The following BACH2 variants were observed in gnomAD, a reference collection of about 807,000 sequenced individuals.
BACH2 encodes BACH transcriptional regulator 2.
In BACH2, 5 loss-of-function variants were observed where a neutral mutation model predicts 61.8. That is an observed-to-expected ratio of 0.08 (90% CI 0.04 to 0.17). The LOEUF (loss-of-function observed/expected upper bound fraction) is 0.17, where lower values mean the gene tolerates loss of function less well. Ranked by LOEUF, BACH2 falls within the 10% of genes least tolerant of loss-of-function variation. BACH2 has a pLI of 1.00. For synonymous variants in BACH2, 446 were observed against 440.1 expected (o/e 1.01, Z -0.17); for missense variants, 824 against 1,091.1 (o/e 0.76, Z 3.45).
intron 4 of BACH2, among the ~76,000 whole-genome samples, chr6:90,202,859 G>A (rs1361436102): frequency 6.6e-6 from 1 of 152,100 alleles, no homozygotes; most frequent in Non-Finnish European, 1.5e-5. Flanking sequence ...GTACACAGTG[G>A]TCAGTATGCA....
chr6:90,028,888 A>G (rs941816336), intron 5 of BACH2, among the ~76,000 whole-genome samples: 5 of 152,244 alleles, frequency 3.3e-5, no homozygotes, highest in Non-Finnish European at 5.9e-5. Flanking sequence ...AAAGTACCTG[A>G]TAAAGGGCAC....
At chr6:90,219,785 TACACAC>T (rs5878121) in intron 3 of BACH2, among the ~76,000 whole-genome samples, 2,673 of 148,680 alleles carry the variant, frequency 0.018, 41 homozygotes, top group East Asian at 0.04. Context: ...TTAAAACACA[TACACAC>T]ACACACACAC....
At position 90,008,872 on chromosome 6, in the gene BACH2, A is replaced by T. The variant is rs1397623909; in HGVS notation, c.-12-16T>A. The T allele has an allele frequency of 6.2e-7, 1 of 1,608,160 alleles. No individual in the cohort carries two copies. ...CGTTCACACCCTGAAAGAAAGAAAG[A>T]AACAAAGAAAGAAAGAAAGAAAGGC... On this transcript the variant is annotated splice_polypyrimidine_tract_variant and intron_variant, in intron 5 of 8. Transcript: ENST00000257749. This position sits in a 1 kb window ranked among gnomAD's most constrained non-coding sequence, Gnocchi z 4.1.
At chr6:90,289,275 G>C (rs1772112665) in intron 1 of BACH2, among the ~76,000 whole-genome samples, 1 of 152,166 alleles carries the variant, frequency 6.6e-6, no homozygotes, top group Non-Finnish European at 1.5e-5. Context: ...CCAAGCATCA[G>C]ACAGCTAGTG....
chr6:90,209,291 C>T (rs888608229), intron 3 of BACH2, among the ~76,000 whole-genome samples: 1 of 152,058 alleles, frequency 6.6e-6, no homozygotes, highest in Non-Finnish European at 1.5e-5. Flanking sequence ...CTTTGTAGTA[C>T]GAATACATCC....
intron 6 of BACH2, among the ~76,000 whole-genome samples, chr6:90,003,888 C>T (rs937663103): frequency 1.3e-5 from 2 of 152,226 alleles, no homozygotes; most frequent in African/African-American, 4.8e-5. Context: ...GGTCATGCCA[C>T]TTCCCAAAGA....
At position 89,928,963 on chromosome 6, in the gene BACH2, A is replaced by G. The variant is rs1308178428; in HGVS notation, c.*3445T>C. 1.3e-5 allele frequency: 2 copies of G among 152,568 alleles called. No homozygotes were observed. Among genetic ancestry groups the G allele is most frequent in the African/African-American group, 4.8e-5 (2 of 41,354 alleles). 9.5% of individuals were successfully genotyped at this position (152,568 alleles called of 1,614,324 possible). On this transcript the variant is annotated 3_prime_UTR_variant, in exon 9 of 9. Transcript: ENST00000257749. ...AGGCACCCCCAGGTAACGCAGAGAA[A>G]CAAACACATACAGCAAATCACTCAC...
chr6:90,166,519 T>C (rs1026419296), intron 4 of BACH2, among the ~76,000 whole-genome samples: 1 of 152,150 alleles, frequency 6.6e-6, no homozygotes, highest in Admixed American at 6.5e-5. Flanking sequence ...GATCCAGAAC[T>C]AGAAATACCA....
chr6:89,961,287 T>C (rs905862016), intron 6 of BACH2, among the ~76,000 whole-genome samples: 2 of 151,942 alleles, frequency 1.3e-5, no homozygotes, highest in Non-Finnish European at 2.9e-5. Flanking sequence ...TTAAAATAGA[T>C]ATGAAATAGT....
chr6:90,093,913 A>C (rs1782277604), intron 4 of BACH2, among the ~76,000 whole-genome samples: 1 of 152,212 alleles, frequency 6.6e-6, no homozygotes. Flanking sequence ...CTAAGCATGA[A>C]AGCACTGCTT....
At chr6:89,989,084 T>C (rs906866928) in intron 6 of BACH2, among the ~76,000 whole-genome samples, 3 of 152,208 alleles carry the variant, frequency 2.0e-5, no homozygotes, top group East Asian at 1.9e-4. Context: ...CAGATGGCTG[T>C]GCTGGCACAG....
chr6:90,214,751 C>CTT lies in BACH2; in HGVS notation c.-274-8072_-274-8071dup, dbSNP rs563651580. On this transcript the variant is annotated intron_variant, in intron 3 of 8. Transcript: ENST00000257749. ...CTTTTCTGGGGCTTAGATTCTGTTCCTTTTTTTTTTTTTTTTTTTTTTTTT... is the reference window on the plus strand; with the variant it reads ...CTTTTCTGGGGCTTAGATTCTGTTCCTTTTTTTTTTTTTTTTTTTTTTTTTTT... 1.6e-3 allele frequency among the ~76,000 whole-genome samples: 155 copies of CTT among 94,316 alleles called. 9 individuals are homozygous for CTT. Among genetic ancestry groups the CTT allele is most frequent in the African/African-American group, 2.9e-3 (71 of 24,140 alleles). 61.9% of individuals were successfully genotyped at this position (94,316 alleles called of 152,430 possible). A position where few individuals can be genotyped will look rare whatever the true frequency, so the allele number is the denominator to read the frequency against.
At chr6:89,952,037 C>T in intron 6 of BACH2, 175 bp from the exon 7 acceptor site, 2 of 719,392 alleles carry the variant, frequency 2.8e-6, no homozygotes, top group South Asian at 3.8e-5. Flanking sequence ...TAATTAGTGC[C>T]TGTCTCGTGC....
chr6:89,963,953 TA>T (rs1340478384), intron 6 of BACH2, among the ~76,000 whole-genome samples: 2 of 152,044 alleles, frequency 1.3e-5, no homozygotes, highest in Non-Finnish European at 2.9e-5. Flanking sequence ...AAACTAATCA[TA>T]AAAAGAAACT....
chr6:90,183,582 T>C (rs1288837410), intron 4 of BACH2, among the ~76,000 whole-genome samples: 4 of 152,230 alleles, frequency 2.6e-5, no homozygotes, highest in Admixed American at 6.5e-5. Flanking sequence ...CTGCCACCAG[T>C]GAAAGCAGGA....
chr6:90,029,569 A>G (rs1456893014), intron 5 of BACH2, among the ~76,000 whole-genome samples: 1 of 152,132 alleles, frequency 6.6e-6, no homozygotes, highest in African/African-American at 2.4e-5. Flanking sequence ...TTTGTTAATG[A>G]CCTATTTTTC....
chr6:90,179,005 A>G (rs1768067171), intron 4 of BACH2, among the ~76,000 whole-genome samples: 1 of 152,200 alleles, frequency 6.6e-6, no homozygotes, highest in Admixed American at 6.5e-5. Flanking sequence ...GTTAAAATAT[A>G]CTTAGGAGGA....
At chr6:90,283,371 A>G (rs1459949548) in intron 1 of BACH2, among the ~76,000 whole-genome samples, 1 of 148,448 alleles carries the variant, frequency 6.7e-6, no homozygotes, top group Admixed American at 6.7e-5. Flanking sequence ...AAGACCCCTC[A>G]TGCTTTTTTT....
intron 6 of BACH2, among the ~76,000 whole-genome samples, chr6:89,989,570 G>A (rs1368687353): frequency 6.6e-6 from 1 of 152,140 alleles, no homozygotes; most frequent in Admixed American, 6.5e-5. Context: ...CGTGGAGCAT[G>A]TTGGCAGCAT....
Sources: gnomAD v4.1 joint callset for allele counts (sites outside exome capture counted in the v4.1 genomes callset) on GRCh38, gnomAD v4.1.1 for gene constraint, Gnocchi (gnomAD v3.1) non-coding constraint, MANE v1.5 for transcripts, NCBI Gene and HGNC (gene_info 2026-07-23, HGNC 2026-07-21) for gene names.